FRMD6: variants seen among roughly 807,000 people sequenced by gnomAD.
FRMD6 encodes the protein FERM domain containing 6.
FRMD6 carries 37 observed loss-of-function variants against 73.2 expected under a neutral mutation model. That is an observed-to-expected ratio of 0.51 (90% CI 0.39 to 0.66). The LOEUF (loss-of-function observed/expected upper bound fraction) is 0.66, where lower values mean the gene tolerates loss of function less well. FRMD6 is among the 30% of genes least tolerant of loss of function. The pLI is 0.00. For synonymous variants in FRMD6, 273 were observed against 282.2 expected, an observed-to-expected ratio of 0.97 and a Z score of 0.33; for missense variants, 714 against 780.5, an observed-to-expected ratio of 0.91 and a Z score of 1.02.
chr14:51,654,489 TG>T (rs1892681884), intron 1 of FRMD6, among the ~76,000 whole-genome samples: 1 of 152,202 alleles, frequency 6.6e-6, no homozygotes, highest in Non-Finnish European at 1.5e-5. Context: ...TGAGTGTAAA[TG>T]AGTCCTGTCT....
At chr14:51,437,388 C>T in the FRMD6 span, among the ~76,000 whole-genome samples, 89 of 152,284 alleles carry the variant, frequency 5.8e-4, no homozygotes, top group Non-Finnish European at 9.7e-4. Flanking sequence ...CTGCAACCTC[C>T]GCCTGCCGGG....
intron 1 of FRMD6, among the ~76,000 whole-genome samples, chr14:51,503,227 T>G (rs1281177808): frequency 6.6e-6 from 1 of 152,188 alleles, no homozygotes; most frequent in Non-Finnish European, 1.5e-5. Flanking sequence ...GAACTTCCAA[T>G]ACTATGTTGA....
At chr14:51,679,461 A>G (rs1437149437) in intron 1 of FRMD6, among the ~76,000 whole-genome samples, 2 of 151,108 alleles carry the variant, frequency 1.3e-5, no homozygotes, top group African/African-American at 4.8e-5. Context: ...CCTTTCAGTC[A>G]TTGAGGATCA....
intron 1 of FRMD6, among the ~76,000 whole-genome samples, chr14:51,679,928 G>A (rs578145567): frequency 1.3e-5 from 2 of 152,168 alleles, no homozygotes; most frequent in East Asian, 1.9e-4. Flanking sequence ...AATAAATAGC[G>A]TGAGTATGGT....
intron 13 of FRMD6, among the ~76,000 whole-genome samples, chr14:51,726,952 C>G (rs1450339297): frequency 2.6e-5 from 4 of 152,128 alleles, no homozygotes; most frequent in African/African-American, 9.7e-5. Flanking sequence ...CCTTAAATAA[C>G]CCATTGCATA....
the FRMD6 span, among the ~76,000 whole-genome samples, chr14:51,420,353 G>A: frequency 6.6e-6 from 1 of 152,232 alleles, no homozygotes; most frequent in Non-Finnish European, 1.5e-5. Flanking sequence ...TTCATAGTTG[G>A]AGAGCAGGCA....
At chr14:51,615,005 G>A (rs1386330219) in intron 2 of FRMD6, among the ~76,000 whole-genome samples, 2 of 152,206 alleles carry the variant, frequency 1.3e-5, no homozygotes, top group Non-Finnish European at 2.9e-5. Flanking sequence ...AGGCAGAGTA[G>A]GGATTTGACT....
At chr14:51,570,932 G>A (rs562957793) in intron 2 of FRMD6, among the ~76,000 whole-genome samples, 7 of 152,130 alleles carry the variant, frequency 4.6e-5, no homozygotes, top group East Asian at 1.9e-4. Flanking sequence ...ATGGGACTCC[G>A]TCAAAACGAT....
At chr14:51,651,423 A>T (rs1406038503), upstream of FRMD6, 1 of 152,220 alleles carries the variant, frequency 6.6e-6, no homozygotes, top group Non-Finnish European at 1.5e-5. Context: ...CACTCAGGCC[A>T]AACAGCCGCC....
upstream of FRMD6, among the ~76,000 whole-genome samples, chr14:51,487,746 T>C (rs1480712248): frequency 6.6e-6 from 1 of 152,236 alleles, no homozygotes; most frequent in Non-Finnish European, 1.5e-5. Context: ...CTCTCTGCTA[T>C]GCAGGCTTAG....
chr14:51,650,691 C>A, upstream of FRMD6: 1 of 152,466 alleles, frequency 6.6e-6, no homozygotes, highest in Non-Finnish European at 1.5e-5. Flanking sequence ...CACCGCGGAG[C>A]AGGGCAGTTT....
chr14:51,570,468 T>A (rs1672690989), intron 2 of FRMD6: 1 of 152,182 alleles, frequency 6.6e-6, no homozygotes, highest in South Asian at 2.1e-4. Context: ...AACCGAAGTT[T>A]AAGAAATCTA....
intron 2 of FRMD6, among the ~76,000 whole-genome samples, chr14:51,596,590 T>C (rs1015902580): frequency 1.3e-5 from 2 of 152,162 alleles, no homozygotes; most frequent in Admixed American, 6.6e-5. Context: ...TGTAGCTTTA[T>C]GTATGGGAGG....
chr14:51,466,052 C>T, the FRMD6 span, among the ~76,000 whole-genome samples: 1 of 150,474 alleles, frequency 6.6e-6, no homozygotes, highest in African/African-American at 2.4e-5. Context: ...TGATGAATAA[C>T]AATCTTGAAC....
At chr14:51,561,437 C>T (rs1596603971) in intron 1 of FRMD6, among the ~76,000 whole-genome samples, 1 of 152,286 alleles carries the variant, frequency 6.6e-6, no homozygotes. Context: ...TGGCTAAGCA[C>T]TAAGAATGTA....
intron 2 of FRMD6, among the ~76,000 whole-genome samples, chr14:51,613,866 A>T (rs1228269776): frequency 6.6e-6 from 1 of 152,176 alleles, no homozygotes; most frequent in Non-Finnish European, 1.5e-5. Context: ...AATTAATATT[A>T]ACAATATATT....
intron 1 of FRMD6, among the ~76,000 whole-genome samples, chr14:51,682,365 GT>G (rs1306985510): frequency 2.4e-4 from 34 of 141,154 alleles, no homozygotes; most frequent in Admixed American, 5.0e-4. Flanking sequence ...GCAGTTTTTT[GT>G]TTTTTTTTTT....
In FRMD6 at chr14:51,566,704, A is replaced by G. The variant is rs567890601; in HGVS notation, c.-209-3644A>G. Among the ~76,000 whole-genome samples, 7 of 152,306 alleles carry G rather than the reference A, an allele frequency of 4.6e-5. No individual in the cohort carries two copies. The South Asian group carries it at 1.5e-3, about 32-fold the overall frequency. On this transcript the variant is annotated intron_variant, in intron 1 of 14. Coordinates refer to the FRMD6 transcript ENST00000356218. ...GGTGCGAAATAATTGCAGTTTTGCC[A>G]TTACTTTTTACCGCAATTACTTTTG...
the FRMD6 span, among the ~76,000 whole-genome samples, chr14:51,433,357 T>G: frequency 4.6e-5 from 7 of 152,184 alleles, no homozygotes. Flanking sequence ...ACTATATATC[T>G]GTAAAAAAAA....
Sources: allele counts gnomAD v4.1 joint callset (sites outside exome capture counted in the v4.1 genomes callset), GRCh38; gene constraint gnomAD v4.1.1; transcripts MANE v1.5; gene names NCBI Gene and HGNC (gene_info 2026-07-23, HGNC 2026-07-21).